The following GLIS3 variants were observed in gnomAD, a reference collection of about 807,000 sequenced individuals.
GLIS3 encodes GLIS family zinc finger 3, also known as zinc finger protein GLIS3.
In GLIS3, 53 loss-of-function variants were observed where a neutral mutation model predicts 78.6. That is an observed-to-expected ratio of 0.67 (90% CI 0.54 to 0.85). The LOEUF (loss-of-function observed/expected upper bound fraction) is 0.85. Among genes scored for constraint, GLIS3 ranks in the 40% least tolerant of loss-of-function variants. The probability of loss-of-function intolerance (pLI) is 0.00; values close to 1 mark genes in which losing one functional copy is unlikely to be tolerated. For missense variants in GLIS3, 1,703 were observed against 1,231.1 expected (o/e 1.38, Z -5.74); for synonymous variants, 684 against 509.9 (o/e 1.34, Z -4.60).
chr9:4,237,179 T>C (rs1822844897), intron 2 of GLIS3, among the ~76,000 whole-genome samples: 1 of 122,878 alleles, frequency 8.1e-6, no homozygotes, highest in South Asian at 2.6e-4. Context: ...CTGTATTATG[T>C]ATTATAGCAG....
chr9:4,350,805 TTTTG>T (rs567372999), upstream of GLIS3, among the ~76,000 whole-genome samples: 7 of 152,104 alleles, frequency 4.6e-5, no homozygotes, highest in South Asian at 1.0e-3. Context: ...TTTTGTTTTG[TTTTG>T]TTTTTGTTTT....
intron 4 of GLIS3, among the ~76,000 whole-genome samples, chr9:4,308,617 C>T (rs1817287325): frequency 6.6e-6 from 1 of 152,238 alleles, no homozygotes; most frequent in East Asian, 1.9e-4. Context: ...TTAGAATACC[C>T]AGGGAAACTT....
intron 2 of GLIS3, among the ~76,000 whole-genome samples, chr9:4,311,462 T>C (rs1395159574): frequency 6.6e-6 from 1 of 152,192 alleles, no homozygotes; most frequent in Non-Finnish European, 1.5e-5. Context: ...TATTTCATTT[T>C]AGACCTTACT....
intron 4 of GLIS3, among the ~76,000 whole-genome samples, chr9:3,985,968 G>A (rs1015875662): frequency 3.9e-5 from 6 of 152,096 alleles, no homozygotes; most frequent in African/African-American, 1.4e-4. Flanking sequence ...TTCATTTGTG[G>A]AGAAAAAGAA....
the GLIS3 span, among the ~76,000 whole-genome samples, chr9:4,364,999 G>A: frequency 6.6e-6 from 1 of 151,942 alleles, no homozygotes; most frequent in Non-Finnish European, 1.5e-5. Context: ...ATTTTGGAGT[G>A]AAAAGAAATT....
At chr9:3,981,394 A>C (rs999751151) in intron 4 of GLIS3, among the ~76,000 whole-genome samples, 3 of 152,188 alleles carry the variant, frequency 2.0e-5, no homozygotes, top group Admixed American at 1.3e-4. Flanking sequence ...CAAGGCTGTA[A>C]TTTAGACCTT....
At chr9:4,123,954 C>A (rs1005966356) in intron 3 of GLIS3, 1 of 390,940 alleles carries the variant, frequency 2.6e-6, no homozygotes, top group Non-Finnish European at 4.5e-6. Flanking sequence ...CACTTCCATC[C>A]ACTCCCAGCA....
chr9:4,456,897 C>G, the GLIS3 span, among the ~76,000 whole-genome samples: 10 of 152,102 alleles, frequency 6.6e-5, no homozygotes, highest in Non-Finnish European at 1.5e-4. Flanking sequence ...ATACTAACAT[C>G]AAAGATCACT....
the GLIS3 span, among the ~76,000 whole-genome samples, chr9:4,431,768 T>C: frequency 1.8e-4 from 26 of 145,500 alleles, no homozygotes; most frequent in South Asian, 5.4e-3. Flanking sequence ...CCATTGAACC[T>C]GGGAGGTGGA....
intron 9 of GLIS3, among the ~76,000 whole-genome samples, chr9:3,834,888 C>T (rs770840619): frequency 5.3e-5 from 8 of 152,184 alleles, no homozygotes; most frequent in Non-Finnish European, 1.0e-4. Flanking sequence ...TCTGAAGCAG[C>T]AGCAGAAGAA....
chr9:4,423,717 A>G, the GLIS3 span, among the ~76,000 whole-genome samples: 10 of 152,330 alleles, frequency 6.6e-5, no homozygotes, highest in African/African-American at 2.2e-4. Context: ...TAAGGGGTAC[A>G]TGGAATCATT....
chr9:3,880,228 G>C (rs962600745), intron 7 of GLIS3, among the ~76,000 whole-genome samples: 2 of 152,216 alleles, frequency 1.3e-5, no homozygotes, highest in African/African-American at 4.8e-5. Context: ...CGAAAACACA[G>C]CTTCGGGATC....
intron 1 of GLIS3, among the ~76,000 whole-genome samples, chr9:4,295,941 T>A (rs1340724787): frequency 6.6e-6 from 1 of 152,164 alleles, no homozygotes; most frequent in Non-Finnish European, 1.5e-5. Flanking sequence ...TTTTTTTTTA[T>A]CACACAGATT....
At chr9:3,951,841 AAC>A (rs3061609) in intron 4 of GLIS3, among the ~76,000 whole-genome samples, 18,402 of 130,434 alleles carry the variant, frequency 0.14, 1,200 homozygotes, top group Middle Eastern at 0.17. Context: ...AATAAGCATG[AAC>A]ACACACACAC....
At chr9:4,244,769 T>C (rs1178060249) in intron 2 of GLIS3, among the ~76,000 whole-genome samples, 2 of 152,056 alleles carry the variant, frequency 1.3e-5, no homozygotes, top group Non-Finnish European at 2.9e-5. Context: ...GAGATAGGGT[T>C]TCAACCATGC....
chr9:4,012,292 A>C (rs1315374718), intron 4 of GLIS3, among the ~76,000 whole-genome samples: 2 of 152,146 alleles, frequency 1.3e-5, no homozygotes, highest in Non-Finnish European at 2.9e-5. Flanking sequence ...GAATAAACAA[A>C]CCGATGAATT....
the GLIS3 span, among the ~76,000 whole-genome samples, chr9:4,415,396 G>A: frequency 2.6e-5 from 4 of 152,198 alleles, no homozygotes; most frequent in African/African-American, 7.2e-5. Context: ...TTGCCAGCCA[G>A]TAAATGTTCA....
the GLIS3 span, among the ~76,000 whole-genome samples, chr9:4,402,386 A>G: frequency 3.9e-5 from 6 of 152,230 alleles, no homozygotes; most frequent in East Asian, 1.9e-4. Flanking sequence ...GAAGATTACA[A>G]TAAGTACCAA....
chr9:3,963,717 T>C (rs1054380528), intron 4 of GLIS3, among the ~76,000 whole-genome samples: 2 of 152,070 alleles, frequency 1.3e-5, no homozygotes, highest in African/African-American at 4.8e-5. Flanking sequence ...AAAGCACAGA[T>C]TGGGTTCATT....
Sources: gnomAD v4.1 joint callset for allele counts (sites outside exome capture counted in the v4.1 genomes callset) on GRCh38, gnomAD v4.1.1 for gene constraint, MANE v1.5 for transcripts, NCBI Gene and HGNC (gene_info 2026-07-23, HGNC 2026-07-21) for gene names.